SCYL2: variants seen among roughly 807,000 people sequenced by gnomAD.
SCYL2 encodes the protein SCY1-like protein 2.
SCYL2 carries 36 observed loss-of-function variants against 100.4 expected under a neutral mutation model. That is an observed-to-expected ratio of 0.36 (90% CI 0.27 to 0.47). The LOEUF is 0.47. SCYL2 is among the 20% of genes least tolerant of loss of function. The probability of loss-of-function intolerance (pLI) is 1.00; values close to 1 mark genes in which losing one functional copy is unlikely to be tolerated. For missense variants in SCYL2, 902 were observed against 1,083.9 expected (o/e 0.83, Z 2.36); for synonymous variants, 330 against 359.2 (o/e 0.92, Z 0.92).
At chr12:100,306,316 G>A (rs1016051751) in intron 4 of SCYL2, among the ~76,000 whole-genome samples, 5 of 152,086 alleles carry the variant, frequency 3.3e-5, no homozygotes, top group Non-Finnish European at 7.3e-5. Flanking sequence ...TGATCAAGTC[G>A]GCTTCATCCG....
Position 100,339,233 on chromosome 12 carries a change from A to G in SCYL2, c.*61A>G. 2 of 1,499,544 alleles carry G rather than the reference A, an allele frequency of 1.3e-6. No homozygotes were observed. The highest frequency in any genetic ancestry group is 1.8e-6 in the Non-Finnish European group (2 of 1,109,130). The allele number at this position is 1,499,544 out of a possible 1,614,324, so 92.9% of individuals were successfully genotyped here. Reference sequence around the variant, plus strand: ...TTCAATCATGGGTGAGCTGATTTACATCTTTATATAGTTGGCTTGGAGGAA... The same window carrying G: ...TTCAATCATGGGTGAGCTGATTTACGTCTTTATATAGTTGGCTTGGAGGAA... On this transcript the variant is annotated 3_prime_UTR_variant, in exon 18 of 18. Coordinates refer to ENST00000360820, the MANE Select transcript of SCYL2 (RefSeq NM_017988.6).
At chr12:100,295,323 G>A (rs2096318215) in intron 3 of SCYL2, among the ~76,000 whole-genome samples, 1 of 152,176 alleles carries the variant, frequency 6.6e-6, no homozygotes, top group African/African-American at 2.4e-5. Flanking sequence ...TGCAATCTCG[G>A]CACTTTGGGA....
At chr12:100,312,679 G>T (rs2135902179) in intron 6 of SCYL2, 26 bp downstream of exon 6, 6 of 1,542,900 alleles carry the variant, frequency 3.9e-6, no homozygotes, top group Non-Finnish European at 5.3e-6. Context: ...TAATTTGCTT[G>T]CATTAAAAAA....
At chr12:100,333,477 T>C (rs1365424561) in intron 13 of SCYL2, among the ~76,000 whole-genome samples, 2 of 152,192 alleles carry the variant, frequency 1.3e-5, no homozygotes, top group Admixed American at 6.5e-5. Context: ...AATGTAGTTA[T>C]AAAATTTGGG....
intron 10 of SCYL2, among the ~76,000 whole-genome samples, chr12:100,322,947 A>G (rs2096357786): frequency 6.6e-6 from 1 of 151,182 alleles, no homozygotes; most frequent in Non-Finnish European, 1.5e-5. Context: ...AGGATCCCAC[A>G]AGACTGGGAG....
chr12:100,338,642 A>T lies in SCYL2; in HGVS notation c.2260A>T (p.Ile754Phe), dbSNP rs765554271. ...STFTSVPSMG[I>F]GMMFSTPTDN... ...TTTCACTTCTGTTCCTTCCATGGGC[A>T]TTGGTATGATGTTTTCTACACCAAC... Residue 754 changes from isoleucine to phenylalanine, a missense_variant, in exon 18 of 18, where the codon ATT becomes TTT. Physicochemically the swap from Ile to Phe is conservative, Grantham distance 21. Coordinates refer to ENST00000360820, the MANE Select transcript of SCYL2 (RefSeq NM_017988.6). 1.2e-6 allele frequency: 2 copies of T among 1,613,818 alleles called. No homozygotes were observed. Among genetic ancestry groups the T allele is most frequent in the African/African-American group, 2.7e-5 (2 of 74,916 alleles).
chr12:100,336,935 G>A (rs1271257238), intron 16 of SCYL2, among the ~76,000 whole-genome samples: 1 of 152,102 alleles, frequency 6.6e-6, no homozygotes, highest in Non-Finnish European at 1.5e-5. Context: ...TTTTAGTTTA[G>A]CAAAGTTGAT....
Position 100,335,903 on chromosome 12 carries a change from A to G in SCYL2, c.2022A>G (p.Lys674=). 6.2e-7 allele frequency: 1 copy of G among 1,609,322 alleles called. No individual in the cohort carries two copies. Among genetic ancestry groups the G allele is most frequent in the Non-Finnish European group, 8.5e-7 (1 of 1,175,886 alleles). The change falls in exon 16 of 18, where the codon AAA becomes AAG. Residue 674 remains lysine, a synonymous_variant. Transcript: ENST00000360820. ...NKEDGLQNKH[K]RASLTLEEKQ... is the part of the protein sequence containing the mutation. Reference sequence around the variant, plus strand: ...AGGACGGGTTACAGAATAAACATAAAAGAGTGAGTTTCCTTACTGTTCTTT... The same window carrying G: ...AGGACGGGTTACAGAATAAACATAAGAGAGTGAGTTTCCTTACTGTTCTTT...
chr12:100,271,891 T>A (rs2096288042), intron 1 of SCYL2, among the ~76,000 whole-genome samples: 1 of 152,228 alleles, frequency 6.6e-6, no homozygotes, highest in African/African-American at 2.4e-5. Context: ...ATAAATATAA[T>A]TTTACCTGTT....
At chr12:100,268,248 G>C (rs1192880326) in intron 1 of SCYL2, among the ~76,000 whole-genome samples, 1 of 152,186 alleles carries the variant, frequency 6.6e-6, no homozygotes. Context: ...TGGATACTAT[G>C]AGTGAGTTTT....
At position 100,339,303 on chromosome 12, in the gene SCYL2, C is replaced by G. The variant is rs1223208030; in HGVS notation, c.*131C>G. ...AACAGTTCTGTGACAGGAAACATCTCTGTCCATGCCAGCATAGTAGTTGTA... is the reference window on the plus strand; with the variant it reads ...AACAGTTCTGTGACAGGAAACATCTGTGTCCATGCCAGCATAGTAGTTGTA... On this transcript the variant is annotated 3_prime_UTR_variant, in exon 18 of 18. Coordinates refer to ENST00000360820, the MANE Select transcript of SCYL2 (RefSeq NM_017988.6). 3.4e-6 allele frequency: 3 copies of G among 875,158 alleles called. No individual in the cohort carries two copies. Among genetic ancestry groups the G allele is most frequent in the Non-Finnish European group, 5.2e-6 (3 of 580,438 alleles). 54.2% of individuals were successfully genotyped at this position (875,158 alleles called of 1,614,324 possible). A position where few individuals can be genotyped will look rare whatever the true frequency, so the allele number is the denominator to read the frequency against.
At position 100,305,235 on chromosome 12, in the gene SCYL2, A is replaced by C. The variant is rs139276101; in HGVS notation, c.481-5809A>C. Among the ~76,000 whole-genome samples the C allele has an allele frequency of 6.3e-3, 966 of 152,356 alleles. 11 individuals carry two copies. The highest frequency in any genetic ancestry group is 0.022 in the African/African-American group (907 of 41,580). On this transcript the variant is annotated intron_variant, in intron 4 of 17. Transcript: ENST00000360820. ...AGCACCACATTGCAGTTATTCTAAA[A>C]TTGACCACATAATTGGAAGTAAAAC...
chr12:100,298,908 C>T (rs1197860131), intron 4 of SCYL2, among the ~76,000 whole-genome samples: 1 of 151,864 alleles, frequency 6.6e-6, no homozygotes, highest in East Asian at 1.9e-4. Flanking sequence ...CTCATTTTTT[C>T]AGATTTTCCT....
intron 10 of SCYL2, among the ~76,000 whole-genome samples, chr12:100,321,144 G>A (rs1405992667): frequency 6.6e-6 from 1 of 152,152 alleles, no homozygotes; most frequent in Non-Finnish European, 1.5e-5. Context: ...TAATAGTTCT[G>A]AGTGGATACA....
intron 3 of SCYL2, 147 bp downstream of exon 3, chr12:100,291,807 A>AT: frequency 1.5e-6 from 1 of 671,074 alleles, no homozygotes; most frequent in Middle Eastern, 3.7e-4. Flanking sequence ...TCTCCCTAAA[A>AT]TTTATTTGCA....
rs575712276 is a variant in SCYL2 at position 100,338,367 on chromosome 12, T to C, written c.2146-161T>C. On this transcript the variant is annotated intron_variant, in intron 17 of 17. Transcript: ENST00000360820. ...TCTGTAAAAACTATATAAAAATAGGTGGCAGGCTGTATTTGACCGGCAGGC... is the reference window on the plus strand; with the variant it reads ...TCTGTAAAAACTATATAAAAATAGGCGGCAGGCTGTATTTGACCGGCAGGC... 3.3e-5 allele frequency among the ~76,000 whole-genome samples: 5 copies of C among 152,296 alleles called. No individual in the cohort carries two copies. In the South Asian group the frequency reaches 1.0e-3, roughly 32 times the overall value.
At chr12:100,315,089 G>A (rs192964781) in intron 8 of SCYL2, among the ~76,000 whole-genome samples, 2 of 152,268 alleles carry the variant, frequency 1.3e-5, no homozygotes, top group Admixed American at 6.5e-5. Flanking sequence ...TCAGATATTC[G>A]TTAGTTACCT....
At chr12:100,336,585 G>A (rs556559253) in intron 16 of SCYL2, among the ~76,000 whole-genome samples, 8 of 152,120 alleles carry the variant, frequency 5.3e-5, no homozygotes, top group East Asian at 1.9e-4. Context: ...TCCAGCAGGG[G>A]TACATGATGT....
At chr12:100,322,843 A>G (rs1016844980) in intron 10 of SCYL2, among the ~76,000 whole-genome samples, 2 of 145,522 alleles carry the variant, frequency 1.4e-5, no homozygotes, top group Non-Finnish European at 3.0e-5. Context: ...CTGGGCAACA[A>G]GAGCAAAACT....
Sources: allele counts gnomAD v4.1 joint callset (sites outside exome capture counted in the v4.1 genomes callset), GRCh38; gene constraint gnomAD v4.1.1; transcripts MANE v1.5; gene names NCBI Gene and HGNC (gene_info 2026-07-23, HGNC 2026-07-21).